The following SLC9A9 variants were observed in gnomAD, a reference collection of about 807,000 sequenced individuals.
SLC9A9 encodes sodium/hydrogen exchanger 9.
In SLC9A9, 62 loss-of-function variants were observed where a neutral mutation model predicts 77.8. The observed-to-expected ratio is 0.80, with a 90% CI of 0.65 to 0.98. SLC9A9 has a LOEUF of 0.98. SLC9A9 is among the 50% of genes least tolerant of loss of function. The probability of loss-of-function intolerance (pLI) is 0.00; values close to 1 mark genes in which losing one functional copy is unlikely to be tolerated. For missense variants in SLC9A9, 775 were observed against 774.9 expected (o/e 1.00, Z 0.00); for synonymous variants, 320 against 283.5 (o/e 1.13, Z -1.29).
chr3:143,615,450 G>A (rs941897238), intron 6 of SLC9A9, among the ~76,000 whole-genome samples: 2 of 152,124 alleles, frequency 1.3e-5, no homozygotes, highest in Admixed American at 1.3e-4. Context: ...GGCCCAGACG[G>A]TATCTTGCCC....
At chr3:143,738,305 G>A (rs1005940375) in intron 4 of SLC9A9, among the ~76,000 whole-genome samples, 1 of 152,104 alleles carries the variant, frequency 6.6e-6, no homozygotes, top group African/African-American at 2.4e-5. Flanking sequence ...ATTTCCTACA[G>A]TCCTTTGCCT....
At chr3:143,521,988 T>A (rs560089027) in intron 9 of SLC9A9, among the ~76,000 whole-genome samples, 1 of 152,262 alleles carries the variant, frequency 6.6e-6, no homozygotes, top group African/African-American at 2.4e-5. Flanking sequence ...AGGTGACATC[T>A]TTGTGCTCTT....
chr3:143,336,072 C>T (rs915472018), intron 14 of SLC9A9, among the ~76,000 whole-genome samples: 1 of 152,038 alleles, frequency 6.6e-6, no homozygotes, highest in Admixed American at 6.6e-5. Flanking sequence ...AACAAAATAA[C>T]CTTATTGGAA....
At chr3:143,460,778 C>A (rs149759798) in intron 12 of SLC9A9, among the ~76,000 whole-genome samples, 2 of 152,226 alleles carry the variant, frequency 1.3e-5, no homozygotes, top group South Asian at 4.1e-4. Context: ...TAATTCATAA[C>A]AATTGTTATA....
chr3:143,682,263 T>A (rs934453590), intron 5 of SLC9A9, among the ~76,000 whole-genome samples: 1 of 152,184 alleles, frequency 6.6e-6, no homozygotes, highest in Non-Finnish European at 1.5e-5. Context: ...TGAATTTTTT[T>A]AAAGTGATTG....
chr3:143,389,044 T>G (rs1289149422), intron 12 of SLC9A9, among the ~76,000 whole-genome samples: 4 of 152,136 alleles, frequency 2.6e-5, no homozygotes, highest in African/African-American at 7.2e-5. Context: ...GGCTAGACTG[T>G]GAGGGTCATG....
intron 9 of SLC9A9, among the ~76,000 whole-genome samples, chr3:143,528,667 A>G (rs571545744): frequency 4.7e-4 from 72 of 152,278 alleles, no homozygotes; most frequent in African/African-American, 1.6e-3. Flanking sequence ...CTTTTCTATA[A>G]GGTCTAAACT....
intron 12 of SLC9A9, among the ~76,000 whole-genome samples, chr3:143,441,564 G>A (rs1179592482): frequency 6.6e-6 from 1 of 151,656 alleles, no homozygotes; most frequent in African/African-American, 2.4e-5. Flanking sequence ...AAGCATTTAG[G>A]ACAACCTAAG....
Position 143,382,044 on chromosome 3 carries a change from G to A in SLC9A9, c.1524+16C>T. On this transcript the variant is annotated intron_variant, in intron 13 of 15. Transcript: ENST00000316549. ...ATCATATCTCTATATAATGTGCATT[G>A]GTTTCTTTGACTTGCCTGGTGTTGT... 1 of 1,613,834 alleles carries A rather than the reference G, an allele frequency of 6.2e-7. No individual in the cohort carries two copies.
At chr3:143,487,539 A>G (rs1250393989) in intron 11 of SLC9A9, among the ~76,000 whole-genome samples, 1 of 151,930 alleles carries the variant, frequency 6.6e-6, no homozygotes, top group African/African-American at 2.4e-5. Context: ...AAGACTTCCT[A>G]AAAGATTTAA....
intron 12 of SLC9A9, among the ~76,000 whole-genome samples, chr3:143,406,788 C>G (rs1427445484): frequency 6.6e-6 from 1 of 151,770 alleles, no homozygotes; most frequent in Non-Finnish European, 1.5e-5. Context: ...CCAGCCTGGC[C>G]AACATGGCAA....
At chr3:143,629,070 T>G (rs1005380304) in intron 6 of SLC9A9, among the ~76,000 whole-genome samples, 1 of 152,234 alleles carries the variant, frequency 6.6e-6, no homozygotes, top group Non-Finnish European at 1.5e-5. Flanking sequence ...AACATCTGCA[T>G]GTAGAGAAGT....
At chr3:143,503,223 C>T (rs2035955649) in intron 9 of SLC9A9, 1 of 217,848 alleles carries the variant, frequency 4.6e-6, no homozygotes, top group Non-Finnish European at 9.1e-6. Context: ...AGGGACTGCA[C>T]AGCAGCTGAG....
intron 4 of SLC9A9, among the ~76,000 whole-genome samples, chr3:143,752,857 T>C (rs2006783103): frequency 1.3e-5 from 2 of 152,114 alleles, no homozygotes; most frequent in Non-Finnish European, 2.9e-5. Context: ...AGTGGCTCCT[T>C]AGAGACATAT....
chr3:143,407,954 G>A (rs2034014544), intron 12 of SLC9A9, among the ~76,000 whole-genome samples: 1 of 152,172 alleles, frequency 6.6e-6, no homozygotes, highest in Non-Finnish European at 1.5e-5. Flanking sequence ...CTGAGGATTG[G>A]GAAGCCCAGG....
At chr3:143,628,066 T>C (rs1351202762) in intron 6 of SLC9A9, among the ~76,000 whole-genome samples, 1 of 152,166 alleles carries the variant, frequency 6.6e-6, no homozygotes, top group East Asian at 1.9e-4. Context: ...CTAAACACCA[T>C]TAGGAAAATA....
intron 4 of SLC9A9, among the ~76,000 whole-genome samples, chr3:143,765,392 C>T (rs1194314960): frequency 1.3e-5 from 2 of 152,010 alleles, no homozygotes; most frequent in African/African-American, 4.8e-5. Context: ...GTCACACTGT[C>T]GATATGCTAC....
At chr3:143,816,140 A>G (rs1471135748) in intron 2 of SLC9A9, among the ~76,000 whole-genome samples, 1 of 152,146 alleles carries the variant, frequency 6.6e-6, no homozygotes, top group Non-Finnish European at 1.5e-5. Flanking sequence ...CTTTCCTTCC[A>G]TTACTGTATT....
At chr3:143,582,375 C>T (rs901876598) in intron 6 of SLC9A9, among the ~76,000 whole-genome samples, 3 of 152,138 alleles carry the variant, frequency 2.0e-5, no homozygotes, top group Non-Finnish European at 4.4e-5. Context: ...TGGATTAAGT[C>T]GTTCCTTGAG....
Sources: allele counts gnomAD v4.1 joint callset (sites outside exome capture counted in the v4.1 genomes callset), GRCh38; gene constraint gnomAD v4.1.1; transcripts MANE v1.5; gene names NCBI Gene and HGNC (gene_info 2026-07-23, HGNC 2026-07-21).